PTPRD: variants seen among roughly 807,000 people sequenced by gnomAD.
PTPRD encodes the protein protein tyrosine phosphatase receptor type D.
A neutral mutation model predicts 214.5 loss-of-function variants in PTPRD; 34 were observed. The ratio of observed to expected loss-of-function variants is 0.16; its 90% CI spans 0.12 to 0.21. PTPRD has a LOEUF of 0.21. Ranked by LOEUF, PTPRD falls within the 10% of genes least tolerant of loss-of-function variation. PTPRD has a pLI of 1.00. For synonymous variants in PTPRD, 1,128 were observed against 845.7 expected, an observed-to-expected ratio of 1.33 and a Z score of -5.79; for missense variants, 2,545 against 2,398.7, an observed-to-expected ratio of 1.06 and a Z score of -1.27.
chr9:10,040,279 G>T (rs1011304232), intron 3 of PTPRD, among the ~76,000 whole-genome samples: 1 of 152,002 alleles, frequency 6.6e-6, no homozygotes, highest in African/African-American at 2.4e-5. Context: ...TAGGAACACT[G>T]ACAGTTTTTA....
chr9:9,128,729 G>A (rs559900935), intron 10 of PTPRD, among the ~76,000 whole-genome samples: 1 of 152,154 alleles, frequency 6.6e-6, no homozygotes, highest in South Asian at 2.1e-4. Context: ...GATAAAAGTG[G>A]AGTTTAGGTT....
chr9:9,330,649 A>C (rs2041963562), intron 9 of PTPRD, among the ~76,000 whole-genome samples: 1 of 152,034 alleles, frequency 6.6e-6, no homozygotes, highest in African/African-American at 2.4e-5. Flanking sequence ...CATTTTTATT[A>C]AATTTTGACA....
intron 3 of PTPRD, among the ~76,000 whole-genome samples, chr9:10,127,077 C>T (rs977185450): frequency 1.2e-4 from 18 of 151,678 alleles, no homozygotes; most frequent in African/African-American, 4.4e-4. Flanking sequence ...TCAAACAGTG[C>T]ACGTATTTCT....
At chr9:8,751,172 C>T (rs2093483095) in intron 11 of PTPRD, among the ~76,000 whole-genome samples, 1 of 152,120 alleles carries the variant, frequency 6.6e-6, no homozygotes, top group South Asian at 2.1e-4. Context: ...GCAACCTGCC[C>T]TACAAAATCA....
intron 10 of PTPRD, among the ~76,000 whole-genome samples, chr9:9,088,581 G>GAAAAAAAAAAAAAAAAAAAAAAAA (rs533619970): frequency 3.0e-5 from 1 of 33,030 alleles, no homozygotes; most frequent in African/African-American, 9.4e-5. Context: ...CTTAGTCTCA[G>GAAAAAAAAAAAAAAAAAAAAAAAA]AAAAAAAAAA....
intron 2 of PTPRD, among the ~76,000 whole-genome samples, chr9:10,353,301 T>C (rs960661697): frequency 1.3e-5 from 2 of 151,990 alleles, no homozygotes; most frequent in East Asian, 3.8e-4. Context: ...CTTACAATAA[T>C]GGTCCTAGGA....
intron 3 of PTPRD, among the ~76,000 whole-genome samples, chr9:10,257,934 G>C (rs2093404160): frequency 6.6e-6 from 1 of 152,148 alleles, no homozygotes; most frequent in Non-Finnish European, 1.5e-5. Flanking sequence ...TTCATAGAGA[G>C]AAGAAAGCGG....
chr9:9,333,119 T>C (rs2042960773), intron 9 of PTPRD, among the ~76,000 whole-genome samples: 1 of 151,922 alleles, frequency 6.6e-6, no homozygotes, highest in Admixed American at 6.6e-5. Context: ...GCTGCAGAGA[T>C]ACTTCAAATA....
rs189878238 is a variant in PTPRD at position 9,193,355 on chromosome 9, G to T, written c.-202-9992C>A. On this transcript the variant is annotated intron_variant, in intron 9 of 45. Transcript: ENST00000381196. Reference sequence around the variant, plus strand: ...TGCTATTTGAAGCCTATTTTAAGGGGGCAAATACAACATATAATCTTCTCC... The same window carrying T: ...TGCTATTTGAAGCCTATTTTAAGGGTGCAAATACAACATATAATCTTCTCC... Among the ~76,000 whole-genome samples the T allele has an allele frequency of 1.2e-4, 19 of 152,130 alleles. No individual in the cohort carries two copies. The East Asian group carries it at 3.5e-3, about 28-fold the overall frequency.
At chr9:8,779,536 C>A (rs117377745) in intron 11 of PTPRD, among the ~76,000 whole-genome samples, 2,943 of 152,244 alleles carry the variant, frequency 0.019, 34 homozygotes, top group Admixed American at 0.036. Flanking sequence ...CAAAGACTGT[C>A]ATACATATTA....
chr9:10,069,714 ATATTCT>A (rs775478201), intron 3 of PTPRD, among the ~76,000 whole-genome samples: 7 of 152,056 alleles, frequency 4.6e-5, no homozygotes, highest in Non-Finnish European at 1.0e-4. Context: ...GTAATGACTC[ATATTCT>A]TAGTTTTAGG....
intron 9 of PTPRD, among the ~76,000 whole-genome samples, chr9:9,293,539 G>T (rs1041479518): frequency 6.6e-6 from 1 of 151,434 alleles, no homozygotes; most frequent in African/African-American, 2.4e-5. Context: ...AATGCTATTA[G>T]AAACCACATA....
chr9:9,739,885 G>A (rs1460610084), intron 6 of PTPRD, among the ~76,000 whole-genome samples: 1 of 151,828 alleles, frequency 6.6e-6, no homozygotes, highest in Admixed American at 6.6e-5. Flanking sequence ...TTTTCAAACA[G>A]CATTTTAATT....
chr9:8,851,951 T>C (rs917608942), intron 11 of PTPRD, among the ~76,000 whole-genome samples: 2 of 152,196 alleles, frequency 1.3e-5, no homozygotes, highest in African/African-American at 4.8e-5. Flanking sequence ...ATGTATTACA[T>C]GCACGCATGG....
At chr9:8,731,957 G>A (rs1019298043) in intron 12 of PTPRD, among the ~76,000 whole-genome samples, 1 of 152,104 alleles carries the variant, frequency 6.6e-6, no homozygotes, top group African/African-American at 2.4e-5. Context: ...TTTTTCAAGG[G>A]ACATCTTAAG....
chr9:10,002,503 T>C (rs796583828), intron 4 of PTPRD, among the ~76,000 whole-genome samples: 17 of 151,116 alleles, frequency 1.1e-4, no homozygotes, highest in African/African-American at 4.1e-4. Context: ...ATACATGTCA[T>C]GAAAACTGTT....
intron 3 of PTPRD, among the ~76,000 whole-genome samples, chr9:10,213,156 AAC>A (rs2099524876): frequency 6.6e-6 from 1 of 152,136 alleles, no homozygotes; most frequent in Admixed American, 6.6e-5. Flanking sequence ...TTTTTAACAA[AAC>A]AGTTTTCTTT....
chr9:9,479,643 C>G (rs922989606), intron 8 of PTPRD, among the ~76,000 whole-genome samples: 1 of 152,006 alleles, frequency 6.6e-6, no homozygotes, highest in Non-Finnish European at 1.5e-5. Context: ...TTCCAAATAA[C>G]AGAAATTATT....
chr9:9,881,301 A>C (rs1408379171), intron 5 of PTPRD, among the ~76,000 whole-genome samples: 2 of 152,142 alleles, frequency 1.3e-5, no homozygotes, highest in African/African-American at 2.4e-5. Context: ...ATTTAATATC[A>C]GACTCTACCA....
Sources: allele counts gnomAD v4.1 joint callset (sites outside exome capture counted in the v4.1 genomes callset), GRCh38; gene constraint gnomAD v4.1.1; transcripts MANE v1.5; gene names NCBI Gene and HGNC (gene_info 2026-07-23, HGNC 2026-07-21).